Variants in MANBA observed in about 807,000 individuals in gnomAD.
MANBA encodes mannosidase beta, also known as beta-mannosidase.
A neutral mutation model predicts 111.1 loss-of-function variants in MANBA; 83 were observed. The ratio of observed to expected loss-of-function variants is 0.75; its 90% CI spans 0.63 to 0.90. The LOEUF (loss-of-function observed/expected upper bound fraction) is 0.90, where lower values mean the gene tolerates loss of function less well. Among genes scored for constraint, MANBA ranks in the 40% least tolerant of loss-of-function variants. MANBA has a pLI of 0.00. For synonymous variants in MANBA, 370 were observed against 378.7 expected, an observed-to-expected ratio of 0.98 and a Z score of 0.27; for missense variants, 1,036 against 1,069.0, an observed-to-expected ratio of 0.97 and a Z score of 0.43.
At position 102,760,777 on chromosome 4, in the gene MANBA, G is replaced by T. The variant is rs775237264; in HGVS notation, c.118C>A (p.Leu40Met). The change falls in exon 1 of 17, where the codon CTG (leucine) becomes ATG (methionine). Residue 40 changes from leucine to methionine, a missense_variant. Physicochemically the swap from Leu to Met is conservative, Grantham distance 15. Transcript: ENST00000647097. ...ACGCAGCCAGGGACCGCCCCGGGCA[G>T]CTCCAGCGAGCCGTTCCCATTGCAG... is the stretch of plus-strand genomic sequence containing the variant. Reference protein sequence around the residue: ...SICNGNGSLELPGAVPGCVHS... With the variant: ...SICNGNGSLEMPGAVPGCVHS... 9.0e-6 allele frequency: 14 copies of T among 1,551,534 alleles called. No individual in the cohort carries two copies. Among genetic ancestry groups the T allele is most frequent in the Non-Finnish European group, 6.1e-6 (7 of 1,147,958 alleles).
intron 7 of MANBA, among the ~76,000 whole-genome samples, chr4:102,678,401 AC>A: frequency 6.6e-6 from 1 of 151,382 alleles, no homozygotes; most frequent in Non-Finnish European, 1.5e-5. Flanking sequence ...TTCTTCTACA[AC>A]AGGTATTTTA....
intron 1 of MANBA, 99 bp downstream of exon 1, chr4:102,760,619 A>T: frequency 7.8e-7 from 1 of 1,286,240 alleles, no homozygotes; most frequent in Non-Finnish European, 1.0e-6. Context: ...AACCGACGAG[A>T]ATGGCCCAGA....
chr4:102,703,658 A>G (rs2110261271), intron 5 of MANBA, among the ~76,000 whole-genome samples: 1 of 152,276 alleles, frequency 6.6e-6, no homozygotes, highest in African/African-American at 2.4e-5. Context: ...CCAGACTGGT[A>G]ATCTGGCTCA....
intron 5 of MANBA, among the ~76,000 whole-genome samples, chr4:102,697,361 T>TTAG (rs1732767040): frequency 6.6e-6 from 1 of 151,972 alleles, no homozygotes; most frequent in Non-Finnish European, 1.5e-5. Flanking sequence ...TTTTATTTTT[T>TTAG]TATTATTATT....
rs1445078231 is a variant in MANBA at position 102,631,355 on chromosome 4, A to G, written c.*702T>C. On this transcript the variant is annotated 3_prime_UTR_variant, in exon 17 of 17. Transcript: ENST00000647097. ...CCAGAGAAAACCTTTCACATGTCTT[A>G]GTTTAGATTCTTCAAACTCTCCCAG... 1 of 164,866 alleles carries G rather than the reference A, an allele frequency of 6.1e-6. No individual in the cohort carries two copies. Among genetic ancestry groups the G allele is most frequent in the African/African-American group, 2.4e-5 (1 of 41,894 alleles). The allele number at this position is 164,866 out of a possible 1,614,324, so 10.2% of individuals were successfully genotyped here.
intron 1 of MANBA, among the ~76,000 whole-genome samples, chr4:102,732,694 C>T (rs1237431040): frequency 6.6e-6 from 1 of 152,182 alleles, no homozygotes; most frequent in East Asian, 1.9e-4. Flanking sequence ...CTGTTAAATG[C>T]CGTGTGCCAA....
chr4:102,728,470 G>C (rs912528175), intron 1 of MANBA: 1 of 393,798 alleles, frequency 2.5e-6, no homozygotes, highest in East Asian at 6.2e-5. Context: ...ATGGTTTTTC[G>C]GAATACCCAT....
intron 5 of MANBA, among the ~76,000 whole-genome samples, chr4:102,700,687 T>G (rs1477804086): frequency 3.3e-5 from 5 of 152,154 alleles, no homozygotes; most frequent in Admixed American, 3.3e-4. Context: ...GTTTCTTAAT[T>G]CTGAGTTCTA....
At chr4:102,741,181 A>T (rs541827369) in intron 1 of MANBA, among the ~76,000 whole-genome samples, 1 of 152,332 alleles carries the variant, frequency 6.6e-6, no homozygotes, top group East Asian at 1.9e-4. Context: ...CAAATAGCAG[A>T]AAAAATTTAA....
At position 102,728,293 on chromosome 4, in the gene MANBA, C is replaced by A. The variant is rs1217930487; in HGVS notation, c.178-1610G>T. On this transcript the variant is annotated intron_variant, in intron 1 of 16. Coordinates refer to ENST00000647097, the MANE Select transcript of MANBA (RefSeq NM_005908.4). ...CCTTCCTGTTGCTCTGCTTTCCCAC[C>A]TCTTTGAAGTGACTTTTCTGGATGC... The A allele has an allele frequency of 2.1e-4, 111 of 535,428 alleles. 1 individual carries two copies. Among genetic ancestry groups the A allele is most frequent in the Non-Finnish European group, 3.6e-4 (94 of 263,850 alleles). 33.2% of individuals were successfully genotyped at this position (535,428 alleles called of 1,614,324 possible).
rs1031885046 is a variant in MANBA at position 102,631,654 on chromosome 4, T to A, written c.*403A>T. ...ATAACAAAGCACTTTATTTGAGTATTCCGTATTCCCCAAAGCTAGCTGTGA... is the reference window on the plus strand; with the variant it reads ...ATAACAAAGCACTTTATTTGAGTATACCGTATTCCCCAAAGCTAGCTGTGA... On this transcript the variant is annotated 3_prime_UTR_variant, in exon 17 of 17. Coordinates refer to ENST00000647097, the MANE Select transcript of MANBA (RefSeq NM_005908.4). 6.7e-6 allele frequency: 3 copies of A among 449,156 alleles called. No individual in the cohort carries two copies. The highest frequency in any genetic ancestry group is 4.0e-5 in the African/African-American group (2 of 50,404). The allele number at this position is 449,156 out of a possible 1,614,324, so 27.8% of individuals were successfully genotyped here.
At chr4:102,640,545 C>T (rs558205442) in intron 13 of MANBA, among the ~76,000 whole-genome samples, 29 of 152,260 alleles carry the variant, frequency 1.9e-4, no homozygotes, top group African/African-American at 5.8e-4. Context: ...TCTCTTTTAT[C>T]GCTGCCGTTA....
intron 5 of MANBA, among the ~76,000 whole-genome samples, chr4:102,703,507 G>A (rs777533194): frequency 7.2e-5 from 11 of 152,278 alleles, no homozygotes; most frequent in Non-Finnish European, 1.5e-4. Context: ...AGAAATTACA[G>A]TTTAGGGGTC....
intron 7 of MANBA, 87 bp from the exon 8 acceptor site, chr4:102,674,157 C>T (rs1731620658): frequency 1.0e-6 from 1 of 995,446 alleles, no homozygotes. Flanking sequence ...TTTTGAAAAA[C>T]TACATTCAGT....
In MANBA at chr4:102,692,412, C is replaced by T. The variant is rs888903886; in HGVS notation, c.674-1641G>A. 1.4e-4 allele frequency among the ~76,000 whole-genome samples: 21 copies of T among 152,248 alleles called. 1 individual carries two copies. The highest frequency in any genetic ancestry group is 4.8e-4 in the African/African-American group (20 of 41,560). ...TTTGAAGTAGAGTTTTATATACGCG[C>T]AGTATGACTCTGTCCTCCATTTCCT... On this transcript the variant is annotated intron_variant, in intron 5 of 16. Transcript: ENST00000647097.
At chr4:102,698,166 G>A (rs1432668385) in intron 5 of MANBA, among the ~76,000 whole-genome samples, 1 of 152,176 alleles carries the variant, frequency 6.6e-6, no homozygotes, top group Non-Finnish European at 1.5e-5. Flanking sequence ...TTTGAGAAGT[G>A]TCTGTTCATG....
intron 1 of MANBA, among the ~76,000 whole-genome samples, chr4:102,756,751 C>A (rs985842958): frequency 1.5e-5 from 2 of 131,382 alleles, no homozygotes; most frequent in African/African-American, 5.8e-5. Flanking sequence ...TTCCAACCTT[C>A]TTCTTACTTA....
At chr4:102,694,237 T>A (rs918146710) in intron 5 of MANBA, among the ~76,000 whole-genome samples, 1 of 152,072 alleles carries the variant, frequency 6.6e-6, no homozygotes, top group African/African-American at 2.4e-5. Context: ...AAAAACACAG[T>A]ATGAAGATCT....
intron 2 of MANBA, 27 bp from the exon 3 acceptor site, chr4:102,723,994 C>G (rs777323157): frequency 7.8e-7 from 1 of 1,277,026 alleles, no homozygotes. Flanking sequence ...ATTTTTAAAA[C>G]AAGATGTGTA....
Sources: gnomAD v4.1 joint callset for allele counts (sites outside exome capture counted in the v4.1 genomes callset) on GRCh38, gnomAD v4.1.1 for gene constraint, MANE v1.5 for transcripts, NCBI Gene and HGNC (gene_info 2026-07-23, HGNC 2026-07-21) for gene names.